Variants in PCDHA5 observed in about 807,000 individuals in gnomAD.
The protein encoded by PCDHA5 is protocadherin alpha-5.
A neutral mutation model predicts 61.6 loss-of-function variants in PCDHA5; 43 were observed. That is an observed-to-expected ratio of 0.70 (90% CI 0.55 to 0.90). The LOEUF (loss-of-function observed/expected upper bound fraction) is 0.90. PCDHA5 is among the 40% of genes least tolerant of loss of function. The pLI, the probability that PCDHA5 is intolerant of heterozygous loss-of-function variation, is 0.00. For synonymous variants in PCDHA5, 627 were observed against 543.9 expected, an observed-to-expected ratio of 1.15 and a Z score of -2.13; for missense variants, 1,298 against 1,222.7, an observed-to-expected ratio of 1.06 and a Z score of -0.92.
At chr5:140,898,366 A>G (rs1401153740) in intron 1 of PCDHA5, among the ~76,000 whole-genome samples, 1 of 152,132 alleles carries the variant, frequency 6.6e-6, no homozygotes, top group Non-Finnish European at 1.5e-5. Flanking sequence ...TAATTTTTGT[A>G]TAAGGTGTAA....
rs1243853436 is a variant in PCDHA5, at chr5:140,900,308, A to G, written c.2352+76181A>G. ...CTTTTCTGTTTTTTTAGACAGTCTC[A>G]CTTTTGTCGCCCAGGCTGGAGTACC... On this transcript the variant is annotated intron_variant, in intron 1 of 3. Transcript: ENST00000529859. 1.3e-4 allele frequency among the ~76,000 whole-genome samples: 19 copies of G among 149,982 alleles called. No individual in the cohort carries two copies. The East Asian group carries it at 3.9e-3, about 31-fold the overall frequency.
At chr5:140,881,075 G>A (rs2058577107) in intron 1 of PCDHA5, among the ~76,000 whole-genome samples, 1 of 152,202 alleles carries the variant, frequency 6.6e-6, no homozygotes, top group African/African-American at 2.4e-5. Context: ...AATTATTGGA[G>A]CTATGATATA....
chr5:140,969,538 G>A (rs916768919), intron 1 of PCDHA5: 11 of 1,304,024 alleles, frequency 8.4e-6, no homozygotes, highest in African/African-American at 1.5e-5. Flanking sequence ...TTCATTTTCA[G>A]AGGCATGAAG....
rs2150253350 is a variant in PCDHA5 at position 140,836,122 on chromosome 5, T to C, written c.2352+11995T>C. Reference sequence around the variant, plus strand: ...GGCACTGGTGGCGCAGTGAGAGAGCTTGTGCCGCGGTCTGTGGGCGCGGGC... The same window carrying C: ...GGCACTGGTGGCGCAGTGAGAGAGCCTGTGCCGCGGTCTGTGGGCGCGGGC... On this transcript the variant is annotated intron_variant, in intron 1 of 3. Transcript: ENST00000529859. 2.0e-5 allele frequency: 32 copies of C among 1,613,580 alleles called. 2 individuals are homozygous for C. The Admixed American group carries it at 3.3e-4, about 17-fold the overall frequency.
chr5:140,959,078 A>C (rs1489301308), intron 1 of PCDHA5, among the ~76,000 whole-genome samples: 1 of 152,128 alleles, frequency 6.6e-6, no homozygotes, highest in Non-Finnish European at 1.5e-5. Flanking sequence ...ATTCAGTATT[A>C]TCCTTGGTTT....
intron 1 of PCDHA5, among the ~76,000 whole-genome samples, chr5:140,950,049 CTATT>C (rs2094445672): frequency 1.3e-5 from 2 of 151,756 alleles, no homozygotes; most frequent in Non-Finnish European, 3.0e-5. Flanking sequence ...CCATATAAGA[CTATT>C]TAGCTCTTCC....
intron 1 of PCDHA5, 188 bp downstream of exon 1, chr5:140,824,315 CA>C (rs1768084826): frequency 1.3e-6 from 1 of 747,160 alleles, no homozygotes; most frequent in Non-Finnish European, 2.2e-6. Context: ...ATAGATTCAT[CA>C]GCTTTCTGTG....
At chr5:140,886,680 G>T (rs1554182653) in intron 1 of PCDHA5, among the ~76,000 whole-genome samples, 1 of 151,946 alleles carries the variant, frequency 6.6e-6, no homozygotes, top group Non-Finnish European at 1.5e-5. Context: ...ACAAAAATTA[G>T]CGAGGCATGG....
At chr5:140,940,600 G>A (rs576348550) in intron 1 of PCDHA5, among the ~76,000 whole-genome samples, 36 of 152,074 alleles carry the variant, frequency 2.4e-4, no homozygotes, top group African/African-American at 8.4e-4. Flanking sequence ...GGCATGAGCC[G>A]CTGCTCCTGG....
intron 1 of PCDHA5, chr5:140,969,583 AG>A: frequency 1.1e-6 from 1 of 914,068 alleles, no homozygotes; most frequent in South Asian, 1.9e-5. Context: ...AGTGAGGATT[AG>A]TCTTAATATT....
intron 1 of PCDHA5, chr5:140,859,420 C>A: frequency 4.3e-6 from 1 of 233,152 alleles, no homozygotes; most frequent in Non-Finnish European, 8.1e-6. Context: ...ATGATATAGA[C>A]TCAGAAATGA....
At position 140,982,483 on chromosome 5, in the gene PCDHA5, A is replaced by C. The variant is rs1554244276; in HGVS notation, c.2420A>C (p.His807Pro). 1.2e-5 allele frequency: 20 copies of C among 1,614,142 alleles called. No homozygotes were observed. In the South Asian group the frequency reaches 1.9e-4, roughly 15 times the overall value. The stretch of plus-strand genomic sequence containing the variant: ...TCTGTGTGTTTATTCAGCTCTGTGC[A>C]CCTAGAGGAGGCTGGCATTCTACGG... ...SLRAGMHSSV[H>P]LEEAGILRAG... The change falls in exon 3 of 4, where the codon CAC becomes CCC. Residue 807 changes from histidine to proline, a missense_variant. By Grantham distance (77) the His-to-Pro change is moderately conservative. Coordinates refer to ENST00000529859, the MANE Select transcript of PCDHA5 (RefSeq NM_018908.3).
chr5:140,850,627 T>C lies in PCDHA5; in HGVS notation c.2352+26500T>C, dbSNP rs2150491342. 1.9e-6 allele frequency: 3 copies of C among 1,598,642 alleles called. No individual in the cohort carries two copies. The South Asian group carries it at 3.3e-5, about 18-fold the overall frequency. ...GCCATCTGCGCGGTGTCTAGCCTGT[T>C]GGTTCTCACGCTGCTGCTGTACACT... On this transcript the variant is annotated intron_variant, in intron 1 of 3. Transcript: ENST00000529859.
chr5:140,837,058 T>C, intron 1 of PCDHA5: 1 of 190,160 alleles, frequency 5.3e-6, no homozygotes, highest in Non-Finnish European at 1.1e-5. Flanking sequence ...TACATTTCCA[T>C]ATTTTGATAA....
intron 1 of PCDHA5, chr5:140,876,061 C>G (rs782151232): frequency 6.2e-7 from 1 of 1,613,778 alleles, no homozygotes; most frequent in Non-Finnish European, 8.5e-7. Context: ...ATTAGTTCTT[C>G]GGAAGTTATT....
Position 140,862,369 on chromosome 5 carries a change from C to A in PCDHA5, c.2352+38242C>A, listed in dbSNP as rs1265761765. On this transcript the variant is annotated intron_variant, in intron 1 of 3. Coordinates refer to ENST00000529859, the MANE Select transcript of PCDHA5 (RefSeq NM_018908.3). ...GTGCCAAGGGACAGACGACCCGCAC[C>A]CTGACTCCTCACGTCTCTTCAAGCT... The A allele has an allele frequency of 1.8e-5, 6 of 341,324 alleles. No individual in the cohort carries two copies. In the Admixed American group the frequency reaches 2.3e-4, roughly 13 times the overall value. The allele number at this position is 341,324 out of a possible 1,614,324, so 21.1% of individuals were successfully genotyped here. A position where few individuals can be genotyped will look rare whatever the true frequency, so the allele number is the denominator to read the frequency against.
chr5:140,920,002 A>G (rs1260973070), intron 1 of PCDHA5, among the ~76,000 whole-genome samples: 1 of 152,230 alleles, frequency 6.6e-6, no homozygotes, highest in Non-Finnish European at 1.5e-5. Flanking sequence ...CACAGAGGAA[A>G]AGGCCATGCG....
At chr5:140,978,711 C>G (rs1306070484) in intron 1 of PCDHA5, among the ~76,000 whole-genome samples, 2 of 152,238 alleles carry the variant, frequency 1.3e-5, no homozygotes, top group Non-Finnish European at 2.9e-5. Flanking sequence ...GTGGCCTTTA[C>G]AAGATTATTA....
At position 140,960,518 on chromosome 5, in the gene PCDHA5, G is replaced by A. The variant is rs555475003; in HGVS notation, c.2353-18431G>A. Among the ~76,000 whole-genome samples the A allele has an allele frequency of 2.6e-5, 4 of 152,176 alleles. No homozygotes were observed. The East Asian group carries it at 7.7e-4, about 29-fold the overall frequency. ...TTTGTTCCAAGCAGCAAACATAATG[G>A]GTATAGGAAAGAGAAACTGTGGCCT... On this transcript the variant is annotated intron_variant, in intron 1 of 3. Coordinates refer to ENST00000529859, the MANE Select transcript of PCDHA5 (RefSeq NM_018908.3).
Sources: allele counts gnomAD v4.1 joint callset (sites outside exome capture counted in the v4.1 genomes callset), GRCh38; gene constraint gnomAD v4.1.1; transcripts MANE v1.5; gene names NCBI Gene and HGNC (gene_info 2026-07-23, HGNC 2026-07-21).